The following SUGP1 variants were observed in gnomAD, a reference collection of about 807,000 sequenced individuals.
SUGP1 encodes SURP and G-patch domain-containing protein 1.
In SUGP1, 34 loss-of-function variants were observed where a neutral mutation model predicts 76.5. The observed-to-expected ratio is 0.44, with a 90% confidence interval of 0.34 to 0.59. The LOEUF is 0.59. SUGP1 is among the 20% of genes least tolerant of loss of function. SUGP1 has a pLI of 0.01. For synonymous variants in SUGP1, 326 were observed against 326.2 expected, an observed-to-expected ratio of 1.00 and a Z score of 0.01; for missense variants, 752 against 851.7, an observed-to-expected ratio of 0.88 and a Z score of 1.46.
rs1447185213 is a variant in SUGP1, at chr19:19,298,805, G to A, written c.888-1461C>T. On this transcript the variant is annotated intron_variant, in intron 7 of 13. Coordinates refer to ENST00000247001, the MANE Select transcript of SUGP1 (RefSeq NM_172231.4). ...GGATTTGAGAGGCCAAGCTGGGGAG[G>A]CTCACTTGCTAGGGCGAGCAGGCAT... Among the ~76,000 whole-genome samples the A allele has an allele frequency of 3.3e-5, 5 of 152,208 alleles. No individual in the cohort carries two copies. In the South Asian group the frequency reaches 6.2e-4, roughly 19 times the overall value.
chr19:19,307,067 A>G (rs2061323238), intron 3 of SUGP1, among the ~76,000 whole-genome samples: 1 of 151,742 alleles, frequency 6.6e-6, no homozygotes, highest in African/African-American at 2.4e-5. Flanking sequence ...TTTTAGTGAC[A>G]GGGTCTTGCT....
At chr19:19,298,870 C>T (rs1875814176) in intron 7 of SUGP1, among the ~76,000 whole-genome samples, 1 of 152,142 alleles carries the variant, frequency 6.6e-6, no homozygotes, top group South Asian at 2.1e-4. Flanking sequence ...GCTGGTGCTT[C>T]ACCCTGAGTG....
intron 8 of SUGP1, among the ~76,000 whole-genome samples, chr19:19,286,654 G>A (rs1330089870): frequency 6.6e-6 from 1 of 152,012 alleles, no homozygotes; most frequent in Admixed American, 6.6e-5. Flanking sequence ...AGGCTGAGGC[G>A]GGGAGATCAC....
Position 19,276,618 on chromosome 19 carries a change from T to C in SUGP1, c.*30A>G, listed in dbSNP as rs2061051254. On this transcript the variant is annotated 3_prime_UTR_variant, in exon 14 of 14. Transcript: ENST00000247001. ...CATTCCACAGTCCAGGGACGGTTGG[T>C]CATTCAGAAAGTATGTATTTCCAGA... 6.2e-7 allele frequency: 1 copy of C among 1,613,820 alleles called. No individual in the cohort carries two copies. The highest frequency in any genetic ancestry group is 8.5e-7 in the Non-Finnish European group (1 of 1,179,898).
chr19:19,278,010 A>T, intron 11 of SUGP1, 131 bp from the exon 12 acceptor site: 1 of 1,106,214 alleles, frequency 9.0e-7, no homozygotes, highest in South Asian at 1.6e-5. Context: ...ACCAGATCAG[A>T]CTCCTTGAGA....
chr19:19,289,330 G>A (rs2061164278), intron 8 of SUGP1, among the ~76,000 whole-genome samples: 1 of 152,032 alleles, frequency 6.6e-6, no homozygotes. Flanking sequence ...GGCCGGGCAT[G>A]GTGGCTCACA....
At chr19:19,298,785 TGA>T (rs1380582707) in intron 7 of SUGP1, among the ~76,000 whole-genome samples, 1 of 152,162 alleles carries the variant, frequency 6.6e-6, no homozygotes, top group African/African-American at 2.4e-5. Context: ...GACATGGATT[TGA>T]GAGGCCAAGC....
intron 8 of SUGP1, among the ~76,000 whole-genome samples, chr19:19,289,796 T>G (rs1444127094): frequency 1.3e-5 from 2 of 151,784 alleles, no homozygotes; most frequent in African/African-American, 4.8e-5. Context: ...AAAGAATGAA[T>G]GAAGAAAGAG....
chr19:19,277,256 G>GGC (rs1555787455), intron 12 of SUGP1, among the ~76,000 whole-genome samples, 180 bp from the exon 13 acceptor site: 5 of 150,600 alleles, frequency 3.3e-5, no homozygotes, highest in Admixed American at 6.6e-5. Context: ...GCGGGCGGGG[G>GGC]GGGGGGGCCT....
chr19:19,290,914 C>T (rs908775138), intron 8 of SUGP1, among the ~76,000 whole-genome samples: 54 of 152,072 alleles, frequency 3.6e-4, no homozygotes, highest in Non-Finnish European at 5.3e-4. Flanking sequence ...GTCAGGAGCT[C>T]GAGACCAGCC....
At chr19:19,310,784 C>T (rs544788558) in intron 2 of SUGP1, among the ~76,000 whole-genome samples, 1 of 152,178 alleles carries the variant, frequency 6.6e-6, no homozygotes, top group African/African-American at 2.4e-5. Flanking sequence ...GCTGGGATTA[C>T]AAGCATGTGC....
chr19:19,307,194 G>T (rs1249180328), intron 3 of SUGP1, among the ~76,000 whole-genome samples: 1 of 152,040 alleles, frequency 6.6e-6, no homozygotes, highest in Non-Finnish European at 1.5e-5. Flanking sequence ...TGGGACTACA[G>T]GTGCACGACA....
chr19:19,303,303 G>A lies in SUGP1; in HGVS notation c.763+45C>T, dbSNP rs746724288. 3.2e-6 allele frequency: 5 copies of A among 1,544,532 alleles called. No homozygotes were observed. In the East Asian group the frequency reaches 6.7e-5, roughly 21 times the overall value. The stretch of plus-strand genomic sequence containing the variant: ...CCGATTCCGCATTGGGGCACGGTAT[G>A]TCCACAGGCCTCCCCAGAATCTCCC... On this transcript the variant is annotated intron_variant, in intron 6 of 13. Coordinates refer to ENST00000247001, the MANE Select transcript of SUGP1 (RefSeq NM_172231.4).
At chr19:19,305,059 C>T (rs2061305913) in intron 4 of SUGP1, among the ~76,000 whole-genome samples, 1 of 152,142 alleles carries the variant, frequency 6.6e-6, no homozygotes, top group African/African-American at 2.4e-5. Flanking sequence ...GCTGCTGGGG[C>T]ACCCCTTTAA....
chr19:19,310,177 G>T lies in SUGP1; in HGVS notation c.230C>A (p.Ser77Tyr). 1.2e-6 allele frequency: 2 copies of T among 1,613,586 alleles called. No homozygotes were observed. The highest frequency in any genetic ancestry group is 8.5e-7 in the Non-Finnish European group (1 of 1,179,596). Residue 77 changes from serine to tyrosine, a missense_variant, in exon 3 of 14, where the codon TCC (serine) becomes TAC (tyrosine). Physicochemically the swap from Ser to Tyr is moderately radical, Grantham distance 144 (BLOSUM62 -2). Coordinates refer to ENST00000247001, the MANE Select transcript of SUGP1 (RefSeq NM_172231.4). ...GTTGGCAAACTTGTTGGAAATGCAG[G>T]AAGAGTTGTGTGCATTTGTGATTCT... ...PGEITNAHNS[S>Y]CISNKFANDG...
intron 1 of SUGP1, among the ~76,000 whole-genome samples, chr19:19,318,119 T>TTTTTTC (rs2061408550): frequency 2.1e-5 from 3 of 143,022 alleles, no homozygotes; most frequent in Non-Finnish European, 4.6e-5. Context: ...CCTTCTTTTT[T>TTTTTTC]TTTTTTTTTT....
chr19:19,276,705 G>C (rs2061052108), intron 13 of SUGP1, 31 bp from the exon 14 acceptor site: 2 of 1,613,926 alleles, frequency 1.2e-6, no homozygotes, highest in African/African-American at 2.7e-5. Flanking sequence ...AACAGGAGGA[G>C]GGGATTAGCA....
chr19:19,301,437 C>T (rs1266801628), intron 7 of SUGP1, among the ~76,000 whole-genome samples: 2 of 152,172 alleles, frequency 1.3e-5, no homozygotes, highest in East Asian at 1.9e-4. Context: ...CATGTCTGCC[C>T]ACCCTCCACG....
At chr19:19,291,744 A>T (rs1474402445) in intron 8 of SUGP1, among the ~76,000 whole-genome samples, 2 of 151,886 alleles carry the variant, frequency 1.3e-5, no homozygotes, top group Non-Finnish European at 2.9e-5. Flanking sequence ...AATACAAAAA[A>T]TTAGCCAGGC....
Sources: gnomAD v4.1 joint callset for allele counts (sites outside exome capture counted in the v4.1 genomes callset) on GRCh38, gnomAD v4.1.1 for gene constraint, MANE v1.5 for transcripts, NCBI Gene and HGNC (gene_info 2026-07-23, HGNC 2026-07-21) for gene names.